Variants in RORA observed in about 807,000 individuals in gnomAD.
RORA encodes the protein RAR related orphan receptor A.
RORA carries 7 observed loss-of-function variants against 69.5 expected under a neutral mutation model. The ratio of observed to expected loss-of-function variants is 0.10; its 90% CI spans 0.06 to 0.19. The LOEUF is 0.19. Among genes scored for constraint, RORA ranks in the 10% least tolerant of loss-of-function variants. The pLI is 1.00. For missense variants in RORA, 457 were observed against 663.0 expected, an observed-to-expected ratio of 0.69 and a Z score of 3.41; for synonymous variants, 261 against 240.8, an observed-to-expected ratio of 1.08 and a Z score of -0.78.
Position 61,213,557 on chromosome 15 carries a change from C to T in RORA, c.166+15496G>A, listed in dbSNP as rs927196200. Among the ~76,000 whole-genome samples, 1 of 152,152 alleles carries T rather than the reference C, an allele frequency of 6.6e-6. No individual in the cohort carries two copies. Among genetic ancestry groups the T allele is most frequent in the African/African-American group, 2.4e-5 (1 of 41,420 alleles). ...GTTACCTGAATGTGCCATGAACTCT[C>T]CCCTTGGGTGCCTCAGCCTGGAATG... is the stretch of plus-strand genomic sequence containing the variant. On this transcript the variant is annotated intron_variant, in intron 1 of 10. Transcript: ENST00000335670. This position sits in a 1 kb window ranked among gnomAD's most constrained non-coding sequence, Gnocchi z 4.1.
At chr15:60,934,840 T>C (rs13380189) in intron 1 of RORA, among the ~76,000 whole-genome samples, 41,173 of 152,074 alleles carry the variant, frequency 0.27, 6,074 homozygotes, top group East Asian at 0.5. Flanking sequence ...TCCTCTACTT[T>C]CCCACAGAAA....
intron 1 of RORA, among the ~76,000 whole-genome samples, chr15:61,053,546 T>A (rs2140510053): frequency 6.6e-6 from 1 of 152,154 alleles, no homozygotes; most frequent in East Asian, 1.9e-4. Flanking sequence ...GATGCCAGGA[T>A]GACCCTCCTG....
intron 1 of RORA, among the ~76,000 whole-genome samples, chr15:61,090,133 T>C (rs1049859650): frequency 3.3e-5 from 5 of 152,204 alleles, no homozygotes; most frequent in South Asian, 2.1e-4. Flanking sequence ...AGTTTTTCTC[T>C]AGAGTGGGGT....
intron 1 of RORA, among the ~76,000 whole-genome samples, chr15:60,959,378 G>A (rs1893353978): frequency 6.6e-6 from 1 of 152,130 alleles, no homozygotes; most frequent in Admixed American, 6.5e-5. Flanking sequence ...TGAAGGAAGG[G>A]CTTACTGGAG....
chr15:60,503,405 C>G (rs977171887), intron 7 of RORA, 130 bp downstream of exon 7: 2 of 812,842 alleles, frequency 2.5e-6, no homozygotes, highest in Non-Finnish European at 3.8e-6. Context: ...TCCATTTCTG[C>G]TAAGAAAAAC....
chr15:60,776,613 G>A (rs1396390160), intron 1 of RORA, among the ~76,000 whole-genome samples: 7 of 152,174 alleles, frequency 4.6e-5, no homozygotes, highest in South Asian at 2.1e-4. Context: ...TGCACTAAAA[G>A]GGTAAGAAGC....
At chr15:60,901,489 T>C (rs1891391722) in intron 1 of RORA, among the ~76,000 whole-genome samples, 1 of 152,248 alleles carries the variant, frequency 6.6e-6, no homozygotes. Context: ...ATGTTCCTAA[T>C]GGTTCTGTCC....
intron 1 of RORA, among the ~76,000 whole-genome samples, chr15:61,035,421 G>A (rs1001816787): frequency 1.3e-5 from 2 of 151,842 alleles, no homozygotes; most frequent in Non-Finnish European, 1.5e-5. Context: ...AGAACTAAGC[G>A]GCAGCAAAAT....
At chr15:60,701,374 G>A (rs1164193405) in intron 1 of RORA, among the ~76,000 whole-genome samples, 1 of 152,184 alleles carries the variant, frequency 6.6e-6, no homozygotes, top group Admixed American at 6.5e-5. Context: ...AACCACCATG[G>A]ATCAAAGGGG....
At chr15:61,177,348 G>A (rs1053066267) in intron 1 of RORA, among the ~76,000 whole-genome samples, 1 of 152,148 alleles carries the variant, frequency 6.6e-6, no homozygotes, top group Non-Finnish European at 1.5e-5. Flanking sequence ...CTTTTCACCC[G>A]AGACGTTTTA....
At chr15:60,996,556 G>A (rs1894543808) in intron 1 of RORA, among the ~76,000 whole-genome samples, 1 of 152,156 alleles carries the variant, frequency 6.6e-6, no homozygotes. Context: ...GGCAGCTACA[G>A]TAAAAATGCA....
intron 2 of RORA, among the ~76,000 whole-genome samples, chr15:60,676,774 C>T (rs1287193139): frequency 1.3e-5 from 2 of 152,214 alleles, no homozygotes; most frequent in Non-Finnish European, 2.9e-5. Flanking sequence ...CTCATGCTGT[C>T]ATCTAAGTCC....
At chr15:60,851,562 T>C (rs1209964699) in intron 1 of RORA, among the ~76,000 whole-genome samples, 1 of 152,128 alleles carries the variant, frequency 6.6e-6, no homozygotes, top group African/African-American at 2.4e-5. Flanking sequence ...TACTCTGAGT[T>C]TGCTGAAAAT....
chr15:60,711,265 A>C (rs191958346), intron 1 of RORA, among the ~76,000 whole-genome samples: 2 of 152,110 alleles, frequency 1.3e-5, no homozygotes, highest in East Asian at 1.9e-4. Flanking sequence ...CTGCACTCCT[A>C]CTTCTAAACT....
intron 1 of RORA, among the ~76,000 whole-genome samples, chr15:61,227,127 G>A (rs931857318): frequency 6.7e-6 from 1 of 149,956 alleles, no homozygotes; most frequent in Non-Finnish European, 1.5e-5. Flanking sequence ...ATAACACAGG[G>A]TGTGGGGGGG....
intron 2 of RORA, among the ~76,000 whole-genome samples, chr15:60,658,297 C>T (rs933367410): frequency 3.1e-4 from 47 of 152,066 alleles, no homozygotes; most frequent in South Asian, 4.1e-4. Flanking sequence ...TCAAGTGATC[C>T]GCCCACCTCA....
At chr15:61,016,329 G>A (rs1319108954) in intron 1 of RORA, among the ~76,000 whole-genome samples, 1 of 152,138 alleles carries the variant, frequency 6.6e-6, no homozygotes, top group African/African-American at 2.4e-5. Flanking sequence ...TATGGTTGCC[G>A]TCATCATTGC....
At chr15:61,001,270 C>T (rs934742750) in intron 1 of RORA, among the ~76,000 whole-genome samples, 6 of 152,168 alleles carry the variant, frequency 3.9e-5, no homozygotes, top group East Asian at 1.9e-4. Flanking sequence ...CCTGTGAGGG[C>T]GCAAGAGTGT....
chr15:61,203,894 C>A (rs1389023265), intron 1 of RORA, among the ~76,000 whole-genome samples: 1 of 152,352 alleles, frequency 6.6e-6, no homozygotes, highest in Non-Finnish European at 1.5e-5. Flanking sequence ...TCAAAGGCCA[C>A]TGCCAAGCCG....
Sources: gnomAD v4.1 joint callset for allele counts (sites outside exome capture counted in the v4.1 genomes callset) on GRCh38, gnomAD v4.1.1 for gene constraint, Gnocchi (gnomAD v3.1) non-coding constraint, MANE v1.5 for transcripts, NCBI Gene and HGNC (gene_info 2026-07-23, HGNC 2026-07-21) for gene names.